MTMR10: variants seen among roughly 807,000 people sequenced by gnomAD.
MTMR10 encodes the protein myotubularin-related protein 10.
In MTMR10, 56 loss-of-function variants were observed where a neutral mutation model predicts 88.1. The observed-to-expected ratio is 0.64, with a 90% CI of 0.51 to 0.79. The LOEUF (loss-of-function observed/expected upper bound fraction) is 0.79, where lower values mean the gene tolerates loss of function less well. MTMR10 is among the 30% of genes least tolerant of loss of function. The pLI is 0.00. For missense variants in MTMR10, 883 were observed against 924.7 expected, an observed-to-expected ratio of 0.95 and a Z score of 0.58; for synonymous variants, 380 against 340.9, an observed-to-expected ratio of 1.11 and a Z score of -1.26.
intron 9 of MTMR10, among the ~76,000 whole-genome samples, chr15:30,956,667 G>C (rs1316479370): frequency 6.6e-6 from 1 of 152,184 alleles, no homozygotes; most frequent in Non-Finnish European, 1.5e-5. Flanking sequence ...GTTAGGAGAC[G>C]AGGTTGGACA....
In MTMR10 at chr15:30,951,513, A is replaced by AT. The variant is rs34631331; in HGVS notation, c.1207+454dup. 2.5e-3 allele frequency among the ~76,000 whole-genome samples: 372 copies of AT among 151,004 alleles called. 4 individuals carry two copies. Among genetic ancestry groups the AT allele is most frequent in the African/African-American group, 8.5e-3 (349 of 41,070 alleles). Reference sequence around the variant, plus strand: ...GTCCTTGTGCCACTGGTTTTTATTTATTTTTTTTTTGAGTCTTGCTGTGTT... The same window carrying AT: ...GTCCTTGTGCCACTGGTTTTTATTTATTTTTTTTTTTGAGTCTTGCTGTGTT... On this transcript the variant is annotated intron_variant, in intron 12 of 15. Coordinates refer to ENST00000435680, the MANE Select transcript of MTMR10 (RefSeq NM_017762.3).
chr15:30,973,183 G>A lies in MTMR10; in HGVS notation c.474+1131C>T, dbSNP rs118089485. Reference sequence around the variant, plus strand: ...TGCCAAAATCACAAACAGCACAATCGAACAGGTGAAAGAGGCTTTAAGAGT... The same window carrying A: ...TGCCAAAATCACAAACAGCACAATCAAACAGGTGAAAGAGGCTTTAAGAGT... On this transcript the variant is annotated intron_variant, in intron 5 of 15. Transcript: ENST00000435680. Among the ~76,000 whole-genome samples the A allele has an allele frequency of 6.1e-3, 921 of 152,112 alleles. 6 individuals are homozygous for A. Among genetic ancestry groups the A allele is most frequent in the Middle Eastern group, 0.014 (4 of 294 alleles).
the MTMR10 span, chr15:30,926,986 A>G: frequency 2.0e-6 from 2 of 985,490 alleles, no homozygotes; most frequent in Non-Finnish European, 2.4e-6. Flanking sequence ...GATTTCACTT[A>G]TAACACAAAT....
At chr15:30,925,307 G>A in the MTMR10 span, 7 of 1,610,648 alleles carry the variant, frequency 4.3e-6, no homozygotes, top group East Asian at 6.7e-5. Context: ...GAAAGAGCCT[G>A]TGGGTGCTTT....
chr15:30,970,951 T>G (rs1275655071), intron 5 of MTMR10, among the ~76,000 whole-genome samples: 2 of 152,138 alleles, frequency 1.3e-5, no homozygotes, highest in Non-Finnish European at 2.9e-5. Flanking sequence ...GTAGTGAATT[T>G]CAAGTGTATA....
intron 4 of MTMR10, 143 bp from the exon 5 acceptor site, chr15:30,974,599 T>C (rs2029973915): frequency 2.4e-6 from 2 of 833,634 alleles, no homozygotes; most frequent in African/African-American, 1.8e-5. Context: ...ATACTTGTAA[T>C]TCCTAGAACT....
In MTMR10 at chr15:30,938,993, A is replaced by G. The variant is rs1665371800; in HGVS notation, c.*2477T>C. On this transcript the variant is annotated 3_prime_UTR_variant, in exon 16 of 16. Transcript: ENST00000435680. ...CATCAAAATTTCCTTCACATTCAAT[A>G]CTGTTGAACAACAAGATAACACATC... 1.0e-6 allele frequency: 1 copy of G among 985,158 alleles called. No individual in the cohort carries two copies. Among genetic ancestry groups the G allele is most frequent in the Non-Finnish European group, 1.2e-6 (1 of 829,800 alleles). 61.0% of individuals were successfully genotyped at this position (985,158 alleles called of 1,614,324 possible).
Position 30,939,813 on chromosome 15 carries a change from T to G in MTMR10, c.*1657A>C, listed in dbSNP as rs865948528. The G allele has an allele frequency of 2.1e-5, 21 of 985,322 alleles. No individual in the cohort carries two copies. The highest frequency in any genetic ancestry group is 5.2e-4 in the Middle Eastern group (1 of 1,914). The allele number at this position is 985,322 out of a possible 1,614,324, so 61.0% of individuals were successfully genotyped here. On this transcript the variant is annotated 3_prime_UTR_variant, in exon 16 of 16. Transcript: ENST00000435680. The stretch of plus-strand genomic sequence containing the variant: ...TGTTATAAGGAGATTGGGTCTGGTT[T>G]CTAATCAAGGACTGTAAAATGTTTA...
chr15:30,978,008 C>T (rs2141055262), intron 2 of MTMR10, among the ~76,000 whole-genome samples: 1 of 152,296 alleles, frequency 6.6e-6, no homozygotes. Flanking sequence ...GCTGGGAGCC[C>T]TGCATACCCA....
chr15:30,942,841 T>G (rs1202307280), intron 15 of MTMR10, 49 bp downstream of exon 15: 3 of 1,482,300 alleles, frequency 2.0e-6, no homozygotes, highest in Non-Finnish European at 2.7e-6. Flanking sequence ...GAAAAAGAGG[T>G]GTTTGGTTAC....
intron 6 of MTMR10, among the ~76,000 whole-genome samples, chr15:30,967,249 A>G (rs958475475): frequency 6.6e-6 from 1 of 152,148 alleles, no homozygotes; most frequent in East Asian, 1.9e-4. Context: ...GTTTTTCTCT[A>G]TCAAGATATT....
chr15:30,977,043 C>T (rs1239287276), intron 2 of MTMR10, 88 bp from the exon 3 acceptor site: 7 of 1,268,928 alleles, frequency 5.5e-6, no homozygotes, highest in African/African-American at 3.0e-5. Context: ...TTCATGAGGG[C>T]AAGGATGAGG....
chr15:30,927,287 G>A, the MTMR10 span: 3 of 985,422 alleles, frequency 3.0e-6, no homozygotes, highest in East Asian at 1.1e-4. Flanking sequence ...TCACCAGGAC[G>A]GAACACTGAC....
rs566222836 is a variant in MTMR10, at chr15:30,943,159, G to A, written c.1549-87C>T. 40 of 1,470,258 alleles carry A rather than the reference G, an allele frequency of 2.7e-5. No homozygotes were observed. The African/African-American group carries it at 3.8e-4, about 14-fold the overall frequency. The allele number at this position is 1,470,258 out of a possible 1,614,324, so 91.1% of individuals were successfully genotyped here. ...AGATGAGCCACTCATCATTACACAG[G>A]TTAAATGTTCTGTACTGCAGCCCTC... On this transcript the variant is annotated intron_variant, in intron 14 of 15. Coordinates refer to ENST00000435680, the MANE Select transcript of MTMR10 (RefSeq NM_017762.3).
rs939205513 is a variant in MTMR10 at position 30,943,156 on chromosome 15, C to G, written c.1549-84G>C. On this transcript the variant is annotated intron_variant, in intron 14 of 15. Coordinates refer to ENST00000435680, the MANE Select transcript of MTMR10 (RefSeq NM_017762.3). ...TTCAGATGAGCCACTCATCATTACA[C>G]AGGTTAAATGTTCTGTACTGCAGCC... 27 of 1,477,156 alleles carry G rather than the reference C, an allele frequency of 1.8e-5. No homozygotes were observed. The South Asian group carries it at 3.6e-4, about 19-fold the overall frequency. The allele number at this position is 1,477,156 out of a possible 1,614,324, so 91.5% of individuals were successfully genotyped here.
At position 30,954,798 on chromosome 15, in the gene MTMR10, G is replaced by A; in HGVS notation, c.1031C>T (p.Ala344Val). ...TAGCTGCTTCAGTTTTACAAATGCT[G>A]CCTGTACTTCTTGAATATTAGGCAA... The part of the protein sequence containing the change: ...KTLPNIQEVQ[A>V]AFVKLKQLCV... The change falls in exon 10 of 16, where the codon GCA (alanine) becomes GTA (valine). Residue 344 changes from alanine (A) to valine (V), a missense_variant. Ala to Val is a moderately conservative substitution (Grantham distance 64). Coordinates refer to ENST00000435680, the MANE Select transcript of MTMR10 (RefSeq NM_017762.3). 6.2e-7 allele frequency: 1 copy of A among 1,603,006 alleles called. No individual in the cohort carries two copies. The highest frequency in any genetic ancestry group is 8.5e-7 in the Non-Finnish European group (1 of 1,174,468).
the MTMR10 span, chr15:30,928,661 TCCAGTGCC>T: frequency 6.2e-7 from 1 of 1,613,950 alleles, no homozygotes; most frequent in Admixed American, 1.7e-5. Flanking sequence ...TGTCAGGTAC[TCCAGTGCC>T]CCTGCCCCAC....
Position 30,967,133 on chromosome 15 carries a change from C to T in MTMR10, c.565+787G>A, listed in dbSNP as rs1460896016. 2.0e-5 allele frequency among the ~76,000 whole-genome samples: 3 copies of T among 152,202 alleles called. No homozygotes were observed. In the East Asian group the frequency reaches 5.8e-4, roughly 29 times the overall value. On this transcript the variant is annotated intron_variant, in intron 6 of 15. Transcript: ENST00000435680. ...GAATGGATTTTTCATTATAAATACA[C>T]AGCTGATTTATTTTTCTTGCTTAAA...
chr15:30,967,485 A>G (rs971328528), intron 6 of MTMR10, among the ~76,000 whole-genome samples: 1 of 152,230 alleles, frequency 6.6e-6, no homozygotes, highest in Non-Finnish European at 1.5e-5. Context: ...ATCTTAATGA[A>G]GTCCACAAAA....
Sources: gnomAD v4.1 joint callset for allele counts (sites outside exome capture counted in the v4.1 genomes callset) on GRCh38, gnomAD v4.1.1 for gene constraint, MANE v1.5 for transcripts, NCBI Gene and HGNC (gene_info 2026-07-23, HGNC 2026-07-21) for gene names.